The following TSHZ2 variants were observed in gnomAD, a reference collection of about 807,000 sequenced individuals.
TSHZ2 encodes the protein teashirt zinc finger homeobox 2, also known as teashirt homolog 2.
A neutral mutation model predicts 74.4 loss-of-function variants in TSHZ2; 21 were observed. The observed-to-expected ratio is 0.28, with a 90% CI of 0.20 to 0.41. The LOEUF is 0.41. Among genes scored for constraint, TSHZ2 ranks in the 10% least tolerant of loss-of-function variants. TSHZ2 has a pLI of 1.00. For missense variants in TSHZ2, 1,244 were observed against 1,293.5 expected, an observed-to-expected ratio of 0.96 and a Z score of 0.59; for synonymous variants, 540 against 515.3, an observed-to-expected ratio of 1.05 and a Z score of -0.65.
At position 53,188,481 on chromosome 20, in the gene TSHZ2, C is replaced by T. The variant is rs191885005; in HGVS notation, c.41-65018C>T. Among the ~76,000 whole-genome samples, 400 of 152,262 alleles carry T rather than the reference C, an allele frequency of 2.6e-3. 1 individual carries two copies. The highest frequency in any genetic ancestry group is 6.8e-3 in the Middle Eastern group (2 of 294). On this transcript the variant is annotated intron_variant, in intron 1 of 2. Coordinates refer to ENST00000371497, the MANE Select transcript of TSHZ2 (RefSeq NM_173485.6). ...CTTTGATTTCTCTAGGACAGAGAAG[C>T]TTTTTGGTGATGAGTCCATACTTTC...
chr20:53,410,623 T>TATA (rs1555860299), intron 2 of TSHZ2, among the ~76,000 whole-genome samples: 3 of 148,506 alleles, frequency 2.0e-5, no homozygotes, highest in Non-Finnish European at 4.5e-5. Context: ...TTATTATTAT[T>TATA]ATTAGCTGTG....
intron 1 of TSHZ2, among the ~76,000 whole-genome samples, chr20:53,222,446 G>A (rs1600750539): frequency 6.6e-6 from 1 of 152,192 alleles, no homozygotes; most frequent in East Asian, 1.9e-4. Flanking sequence ...CCACCAGCAG[G>A]TGCTTAAAAT....
rs73148654 is a variant in TSHZ2 at position 53,223,485 on chromosome 20, C to T, written c.41-30014C>T. 4.3e-3 allele frequency among the ~76,000 whole-genome samples: 648 copies of T among 152,210 alleles called. 6 individuals carry two copies. Among genetic ancestry groups the T allele is most frequent in the Admixed American group, 4.8e-3 (73 of 15,284 alleles). On this transcript the variant is annotated intron_variant, in intron 1 of 2. Coordinates refer to ENST00000371497, the MANE Select transcript of TSHZ2 (RefSeq NM_173485.6). ...TGGCTCTCTGTAGCCTAGAGCTCCT[C>T]GGATCAAGTGATCCTCCCACTTCTG...
At chr20:53,167,372 A>G (rs770636156) in intron 1 of TSHZ2, among the ~76,000 whole-genome samples, 1 of 152,192 alleles carries the variant, frequency 6.6e-6, no homozygotes, top group Non-Finnish European at 1.5e-5. Flanking sequence ...TTTTCACTAT[A>G]TAGGTGAGAA....
At chr20:52,982,124 G>T (rs1981589019) in intron 1 of TSHZ2, among the ~76,000 whole-genome samples, 1 of 152,188 alleles carries the variant, frequency 6.6e-6, no homozygotes, top group Non-Finnish European at 1.5e-5. Flanking sequence ...ACCTCTCAGA[G>T]GAGGGGACAT....
chr20:53,253,964 A>T lies in TSHZ2; in HGVS notation c.506A>T (p.His169Leu). ...NGSNKSDFDWHQDALSKSLQQ... is the reference protein window; with the variant it reads ...NGSNKSDFDWLQDALSKSLQQ... ...AGCAACAAGAGTGATTTTGATTGGCACCAAGACGCTCTGTCCAAAAGCCTG... is the reference window on the plus strand; with the variant it reads ...AGCAACAAGAGTGATTTTGATTGGCTCCAAGACGCTCTGTCCAAAAGCCTG... The change falls in exon 2 of 3, where the codon CAC becomes CTC. Residue 169 changes from histidine (H) to leucine (L), a missense_variant. Transcript: ENST00000371497. The T allele has an allele frequency of 6.2e-7, 1 of 1,614,118 alleles. No individual in the cohort carries two copies. Among genetic ancestry groups the T allele is most frequent in the Non-Finnish European group, 8.5e-7 (1 of 1,180,026 alleles).
intron 2 of TSHZ2, chr20:53,412,421 C>T (rs1983086259): frequency 1.3e-5 from 2 of 152,250 alleles, no homozygotes; most frequent in African/African-American, 4.8e-5. Flanking sequence ...TGGTAAATTA[C>T]ACATAGGATA....
intron 1 of TSHZ2, among the ~76,000 whole-genome samples, chr20:53,159,488 T>C (rs1402464399): frequency 1.3e-5 from 2 of 152,010 alleles, no homozygotes; most frequent in Non-Finnish European, 2.9e-5. Flanking sequence ...ATAGAAAAAG[T>C]TTGCCAACCC....
rs149243820 is a variant in TSHZ2 at position 53,053,599 on chromosome 20, ATT to A, written c.40+80270_40+80271del. On this transcript the variant is annotated intron_variant, in intron 1 of 2. Transcript: ENST00000371497. ...TGTGTGTGTATATATATATATATAT[ATT>A]TTTCTCGATATCTAATGGAAGAGAC... 3.3e-3 allele frequency among the ~76,000 whole-genome samples: 431 copies of A among 132,036 alleles called. 2 individuals are homozygous for A. Among genetic ancestry groups the A allele is most frequent in the Non-Finnish European group, 5.1e-3 (312 of 61,492 alleles). 86.6% of individuals were successfully genotyped at this position (132,036 alleles called of 152,430 possible).
At chr20:53,485,570 A>G (rs1311861337) in intron 2 of TSHZ2, among the ~76,000 whole-genome samples, 1 of 152,124 alleles carries the variant, frequency 6.6e-6, no homozygotes, top group Non-Finnish European at 1.5e-5. Flanking sequence ...TTAGCTGGGC[A>G]TGGTGATGCA....
chr20:53,126,793 A>G (rs1986959228), intron 1 of TSHZ2, among the ~76,000 whole-genome samples: 1 of 152,194 alleles, frequency 6.6e-6, no homozygotes, highest in Non-Finnish European at 1.5e-5. Flanking sequence ...CTACTTGACA[A>G]GCACCCCGAG....
At chr20:53,103,037 T>G (rs140889379) in intron 1 of TSHZ2, among the ~76,000 whole-genome samples, 53 of 152,324 alleles carry the variant, frequency 3.5e-4, no homozygotes, top group African/African-American at 1.3e-3. Context: ...TTTAATTGAC[T>G]GTTTCTTTAT....
At chr20:53,073,888 G>A (rs1985285287) in intron 1 of TSHZ2, among the ~76,000 whole-genome samples, 1 of 152,084 alleles carries the variant, frequency 6.6e-6, no homozygotes. Flanking sequence ...CTATACATTA[G>A]CTAAAAGTAG....
chr20:53,085,756 C>G (rs1044095898), intron 1 of TSHZ2, among the ~76,000 whole-genome samples: 1 of 152,150 alleles, frequency 6.6e-6, no homozygotes, highest in South Asian at 2.1e-4. Flanking sequence ...AACACTATGC[C>G]CCCAGGATTC....
rs555291751 is a variant in TSHZ2 at position 53,024,118 on chromosome 20, A to C, written c.40+50785A>C. Among the ~76,000 whole-genome samples the C allele has an allele frequency of 4.6e-5, 7 of 151,638 alleles. No individual in the cohort carries two copies. The South Asian group carries it at 1.5e-3, about 32-fold the overall frequency. On this transcript the variant is annotated intron_variant, in intron 1 of 2. Coordinates refer to ENST00000371497, the MANE Select transcript of TSHZ2 (RefSeq NM_173485.6). ...CACCCTCTTATTTTTTTTTTGAGTC[A>C]AAAAACAAAAAAGCTGTACTCATAA...
intron 1 of TSHZ2, among the ~76,000 whole-genome samples, chr20:52,985,229 G>A (rs961171238): frequency 2.0e-5 from 3 of 151,998 alleles, no homozygotes; most frequent in East Asian, 1.9e-4. Flanking sequence ...ATTTCATCTC[G>A]GTGCGACCTC....
rs1006716569 is a variant in TSHZ2 at position 53,493,820 on chromosome 20, C to T, written c.*6685C>T. ...TTCATCACAGATAGGCATCTATGCC[C>T]ATTTCTCTGGGATCTGGAAAATTCT... On this transcript the variant is annotated 3_prime_UTR_variant, in exon 3 of 3. Coordinates refer to ENST00000371497, the MANE Select transcript of TSHZ2 (RefSeq NM_173485.6). 6.6e-6 allele frequency: 1 copy of T among 152,184 alleles called. No homozygotes were observed. 9.4% of individuals were successfully genotyped at this position (152,184 alleles called of 1,614,324 possible).
intron 1 of TSHZ2, among the ~76,000 whole-genome samples, chr20:52,979,663 G>A (rs146447391): frequency 4.6e-5 from 7 of 152,172 alleles, no homozygotes; most frequent in Non-Finnish European, 1.0e-4. Context: ...GGAATTTTCA[G>A]TTGTTGCCTC....
chr20:53,044,247 A>G (rs1291488477), intron 1 of TSHZ2, among the ~76,000 whole-genome samples: 1 of 152,220 alleles, frequency 6.6e-6, no homozygotes, highest in Non-Finnish European at 1.5e-5. Context: ...ATCAGCTCTC[A>G]ACGTTTCAGA....
Sources: gnomAD v4.1 joint callset for allele counts (sites outside exome capture counted in the v4.1 genomes callset) on GRCh38, gnomAD v4.1.1 for gene constraint, MANE v1.5 for transcripts, NCBI Gene and HGNC (gene_info 2026-07-23, HGNC 2026-07-21) for gene names.